The following ACTL8 variants were observed in gnomAD, a reference collection of about 807,000 sequenced individuals.
ACTL8 encodes the protein actin-like protein 8.
ACTL8 carries 3 observed loss-of-function variants against 9.3 expected under a neutral mutation model. The ratio of observed to expected loss-of-function variants is 0.32; its 90% confidence interval spans 0.15 to 0.83. The LOEUF (loss-of-function observed/expected upper bound fraction) is 0.83, where lower values mean the gene tolerates loss of function less well. Among genes scored for constraint, ACTL8 ranks in the 40% least tolerant of loss-of-function variants. The probability of loss-of-function intolerance (pLI) is 0.57; values close to 1 mark genes in which losing one functional copy is unlikely to be tolerated. For synonymous variants in ACTL8, 224 were observed against 205.9 expected (o/e 1.09, Z -0.75); for missense variants, 381 against 492.2 (o/e 0.77, Z 2.14).
intron 1 of ACTL8, among the ~76,000 whole-genome samples, chr1:17,776,968 GATTTTTTT>G (rs2066122562): frequency 1.3e-5 from 1 of 76,538 alleles, no homozygotes; most frequent in Non-Finnish European, 2.6e-5. Flanking sequence ...CCTGGCTAAT[GATTTTTTT>G]TTTTTTTTTT....
chr1:17,784,339 C>T (rs1456390179), intron 1 of ACTL8, among the ~76,000 whole-genome samples: 2 of 152,208 alleles, frequency 1.3e-5, no homozygotes, highest in Non-Finnish European at 2.9e-5. Context: ...TCACCTCCCA[C>T]CAGGTCCCTT....
intron 1 of ACTL8, among the ~76,000 whole-genome samples, chr1:17,794,636 T>C (rs1028154784): frequency 3.9e-5 from 6 of 152,356 alleles, no homozygotes; most frequent in South Asian, 4.1e-4. Context: ...TTACTACTTT[T>C]CTCTTTGCAT....
At position 17,825,675 on chromosome 1, in the gene ACTL8, T is replaced by TC. The variant is rs559530310; in HGVS notation, c.349-86dup. On this transcript the variant is annotated intron_variant, in intron 2 of 2. Coordinates refer to ENST00000375406, the MANE Select transcript of ACTL8 (RefSeq NM_030812.3). ...GCAGCATCCTGGGGCAGCCCGAGAGTCCCCCCGAGGATGGGGCTCTGTGCT... is the reference window on the plus strand; with the variant it reads ...GCAGCATCCTGGGGCAGCCCGAGAGTCCCCCCCGAGGATGGGGCTCTGTGCT... The TC allele has an allele frequency of 2.3e-4, 340 of 1,484,098 alleles. 1 individual carries two copies. Among genetic ancestry groups the TC allele is most frequent in the African/African-American group, 2.2e-3 (157 of 72,408 alleles). 91.9% of individuals were successfully genotyped at this position (1,484,098 alleles called of 1,614,324 possible).
intron 1 of ACTL8, among the ~76,000 whole-genome samples, chr1:17,808,045 A>G (rs1036686437): frequency 6.6e-6 from 1 of 152,220 alleles, no homozygotes; most frequent in African/African-American, 2.4e-5. Context: ...CCATAAAATG[A>G]GATGGAAACT....
chr1:17,801,369 T>G (rs556459258), intron 1 of ACTL8, among the ~76,000 whole-genome samples: 1 of 152,300 alleles, frequency 6.6e-6, no homozygotes, highest in African/African-American at 2.4e-5. Flanking sequence ...GATAACAAAC[T>G]GTTAAACATC....
rs572380763 is a variant in ACTL8 at position 17,767,610 on chromosome 1, G to A, written c.-25+12106G>A. Among the ~76,000 whole-genome samples, 7 of 152,252 alleles carry A rather than the reference G, an allele frequency of 4.6e-5. No homozygotes were observed. The highest frequency in any genetic ancestry group is 1.4e-4 in the African/African-American group (6 of 41,524). The stretch of plus-strand genomic sequence containing the variant: ...GCCTTGTCCAGTGGTTATTTGGTGC[G>A]CAGTAAGCCCTTTGCTTTTTGGGTA... On this transcript the variant is annotated intron_variant, in intron 1 of 2. Transcript: ENST00000375406. The surrounding 1 kb of genome is among the most constrained non-coding windows in gnomAD (Gnocchi z 4.7).
intron 1 of ACTL8, among the ~76,000 whole-genome samples, chr1:17,782,271 A>G (rs1425767392): frequency 2.0e-5 from 3 of 152,156 alleles, no homozygotes; most frequent in African/African-American, 7.2e-5. Context: ...CAGACTGACA[A>G]TTAGGAAGAC....
intron 1 of ACTL8, among the ~76,000 whole-genome samples, chr1:17,757,619 C>T (rs1290505560): frequency 1.3e-5 from 2 of 152,184 alleles, no homozygotes; most frequent in Non-Finnish European, 2.9e-5. Flanking sequence ...TCACAGCCAC[C>T]TGCTGTTGTC....
chr1:17,808,860 G>T (rs114517292), intron 1 of ACTL8, among the ~76,000 whole-genome samples: 1 of 152,336 alleles, frequency 6.6e-6, no homozygotes, highest in Non-Finnish European at 1.5e-5. Flanking sequence ...AAACATTCCA[G>T]CGTGGCTTTA....
intron 1 of ACTL8, among the ~76,000 whole-genome samples, chr1:17,803,696 G>A (rs778114646): frequency 1.3e-5 from 2 of 152,188 alleles, no homozygotes; most frequent in Admixed American, 6.5e-5. Context: ...TATAAGTGGG[G>A]AGTGAGAGTG....
At chr1:17,794,993 T>C (rs575416507) in intron 1 of ACTL8, among the ~76,000 whole-genome samples, 1 of 152,304 alleles carries the variant, frequency 6.6e-6, no homozygotes, top group African/African-American at 2.4e-5. Context: ...CAGTTTAAGA[T>C]TGATGCAGAA....
intron 1 of ACTL8, among the ~76,000 whole-genome samples, chr1:17,768,222 C>T (rs2066059497): frequency 8.4e-6 from 1 of 119,174 alleles, no homozygotes. Flanking sequence ...TGCTCAAGGC[C>T]CTCTGGGGAC....
chr1:17,759,862 T>C (rs2065989988), intron 1 of ACTL8, among the ~76,000 whole-genome samples: 1 of 152,206 alleles, frequency 6.6e-6, no homozygotes, highest in South Asian at 2.1e-4. Context: ...GCTCCTTTTG[T>C]CTCCTAAACC....
intron 1 of ACTL8, among the ~76,000 whole-genome samples, chr1:17,775,029 C>T (rs545859658): frequency 6.6e-6 from 1 of 152,218 alleles, no homozygotes; most frequent in African/African-American, 2.4e-5. Flanking sequence ...CTGGGAGGTG[C>T]TCCTTGCTCC....
At chr1:17,815,848 ATT>A (rs2066423132) in intron 1 of ACTL8, among the ~76,000 whole-genome samples, 1 of 152,026 alleles carries the variant, frequency 6.6e-6, no homozygotes, top group Non-Finnish European at 1.5e-5. Context: ...TGCTCAGTAA[ATT>A]TTTTTCTCTC....
intron 1 of ACTL8, among the ~76,000 whole-genome samples, chr1:17,799,871 A>G (rs2066307787): frequency 6.6e-6 from 1 of 151,500 alleles, no homozygotes; most frequent in South Asian, 2.1e-4. Flanking sequence ...GGTTTCAGGA[A>G]CCACCTTTAT....
chr1:17,801,643 A>G lies in ACTL8; in HGVS notation c.-24-21342A>G, dbSNP rs540708984. On this transcript the variant is annotated intron_variant, in intron 1 of 2. Transcript: ENST00000375406. ...ATATAAAAGATTAAAAATAAAACAT[A>G]ATTATGCTCAAAGCATACAAAATTA... Among the ~76,000 whole-genome samples, 204 of 152,346 alleles carry G rather than the reference A, an allele frequency of 1.3e-3. 3 individuals carry two copies. The highest frequency in any genetic ancestry group is 2.4e-3 in the Admixed American group (36 of 15,302).
chr1:17,781,784 C>G (rs1000688959), intron 1 of ACTL8, among the ~76,000 whole-genome samples: 3 of 152,124 alleles, frequency 2.0e-5, no homozygotes, highest in Non-Finnish European at 4.4e-5. Flanking sequence ...CCCATGCATA[C>G]ATTTCCCCTG....
chr1:17,764,423 G>T (rs547325369), intron 1 of ACTL8, among the ~76,000 whole-genome samples: 3 of 152,302 alleles, frequency 2.0e-5, no homozygotes, highest in Admixed American at 2.0e-4. Flanking sequence ...TGAAAACTGG[G>T]GGTTCACTTC....
Sources: gnomAD v4.1 joint callset for allele counts (sites outside exome capture counted in the v4.1 genomes callset) on GRCh38, gnomAD v4.1.1 for gene constraint, Gnocchi (gnomAD v3.1) non-coding constraint, MANE v1.5 for transcripts, NCBI Gene and HGNC (gene_info 2026-07-23, HGNC 2026-07-21) for gene names.